PAX6: variants seen among roughly 807,000 people sequenced by gnomAD.
PAX6 encodes paired box 6.
Under a neutral mutation model 60.7 loss-of-function variants are expected in PAX6, and 7 were observed. The ratio of observed to expected loss-of-function variants is 0.12; its 90% CI spans 0.07 to 0.22. The LOEUF (loss-of-function observed/expected upper bound fraction) is 0.22, where lower values mean the gene tolerates loss of function less well. PAX6 is among the 10% of genes least tolerant of loss of function. The pLI is 1.00. For synonymous variants in PAX6, 208 were observed against 201.2 expected (o/e 1.03, Z -0.29); for missense variants, 355 against 555.2 (o/e 0.64, Z 3.62).
rs201983312 is a variant in PAX6, at chr11:31,800,786, T to C, written c.470A>G (p.Tyr157Cys). Residue 157 changes from tyrosine (Y) to cysteine (C), a missense_variant, in exon 8 of 14, where the codon TAT becomes TGT. Physicochemically the swap from Tyr to Cys is radical, Grantham distance 194. Around this residue, in one of 5 missense-constraint regions of PAX6, gnomAD observed 143 missense variants for 183.6 expected, o/e 0.78. Coordinates refer to ENST00000640368, the MANE Select transcript of PAX6 (RefSeq NM_001368894.2). ...CCCGTTCAACATCCTTAGTTTATCA[T>C]ACATGCCGTCTGCGCCCATCTGTTG... ...EKQQMGADGM[Y>C]DKLRMLNGQT... The C allele has an allele frequency of 1.2e-5, 19 of 1,614,240 alleles. No homozygotes were observed. Among genetic ancestry groups the C allele is most frequent in the Non-Finnish European group, 1.5e-5 (18 of 1,180,044 alleles).
rs887164027 is a variant in PAX6 at position 31,801,469 on chromosome 11, TAA to T, written c.399+90_399+91del. ...TGTGGAGCAGGGAGAGGACACAGACTAAGAGACAGTGGAGAGAGAGGGTGGGA... is the reference window on the plus strand; with the variant it reads ...TGTGGAGCAGGGAGAGGACACAGACTGAGACAGTGGAGAGAGAGGGTGGGA... On this transcript the variant is annotated intron_variant, in intron 7 of 13. Transcript: ENST00000640368. 236 of 1,601,840 alleles carry T rather than the reference TAA, an allele frequency of 1.5e-4. No homozygotes were observed. In the African/African-American group the frequency reaches 2.8e-3, roughly 19 times the overall value.
chr11:31,816,358 G>T (rs1294714752), intron 1 of PAX6: 2 of 562,774 alleles, frequency 3.6e-6, no homozygotes, highest in Non-Finnish European at 6.3e-6. Flanking sequence ...CTCCGATCAC[G>T]AAGGGCACGG....
At position 31,801,598 on chromosome 11, in the gene PAX6, A is replaced by T; in HGVS notation, c.362T>A (p.Leu121Gln). The T allele has an allele frequency of 6.2e-7, 1 of 1,614,168 alleles. No homozygotes were observed. The highest frequency in any genetic ancestry group is 8.5e-7 in the Non-Finnish European group (1 of 1,180,026). ...ATCGTTGGTACAGACCCCCTCGGACAGTAATCTGTCTCGGATTTCCCAAGC... is the reference window on the plus strand; with the variant it reads ...ATCGTTGGTACAGACCCCCTCGGACTGTAATCTGTCTCGGATTTCCCAAGC... ...IFAWEIRDRL[L>Q]SEGVCTNDNI... Residue 121 changes from leucine (L) to glutamine (Q), a missense_variant, in exon 7 of 14, where the codon CTG becomes CAG. Physicochemically the swap from Leu to Gln is moderately radical, Grantham distance 113. Transcript: ENST00000640368.
chr11:31,793,521 G>A lies in PAX6; in HGVS notation c.991C>T (p.Arg331Ter), dbSNP rs1057517785. 1 of 1,614,226 alleles carries A rather than the reference G, an allele frequency of 6.2e-7. No homozygotes were observed. Among genetic ancestry groups the A allele is most frequent in the Non-Finnish European group, 8.5e-7 (1 of 1,180,038 alleles). ...GTGTTTGTGAGGGCTGTGTCTGTTCGGCCCAACATGGAGCCAGATGTGAAG... is the reference window on the plus strand; with the variant it reads ...GTGTTTGTGAGGGCTGTGTCTGTTCAGCCCAACATGGAGCCAGATGTGAAG... ...SSFTSGSMLG[R>*]TDTALTNTYS... Residue 331 changes from arginine to a stop codon, truncating the protein, a stop_gained, in exon 12 of 14, where the codon CGA (arginine) becomes TGA (stop). Coordinates refer to ENST00000640368, the MANE Select transcript of PAX6 (RefSeq NM_001368894.2). LOFTEE classifies it high-confidence loss of function.
intron 2 of PAX6, chr11:31,807,820 G>C (rs955350216): frequency 2.6e-5 from 4 of 152,338 alleles, no homozygotes; most frequent in African/African-American, 7.2e-5. Flanking sequence ...AAAGGGAACA[G>C]AGGGACGCTT....
At position 31,801,784 on chromosome 11, in the gene PAX6, G is replaced by A. The variant is rs886048203; in HGVS notation, c.184-8C>T. The A allele has an allele frequency of 6.2e-7, 1 of 1,614,168 alleles. No homozygotes were observed. The highest frequency in any genetic ancestry group is 1.1e-5 in the South Asian group (1 of 91,084). ...CACACATCCGTTGGACACCTGCATA[G>A]GGGAAGTGGACAGAAAACCACATTA... is the stretch of plus-strand genomic sequence containing the variant. On this transcript the variant is annotated splice_region_variant and splice_polypyrimidine_tract_variant and intron_variant, in intron 6 of 13. Transcript: ENST00000640368.
intron 9 of PAX6, 81 bp from the exon 10 acceptor site, chr11:31,794,195 C>T: frequency 1.1e-6 from 1 of 895,428 alleles, no homozygotes; most frequent in Non-Finnish European, 1.9e-6. Flanking sequence ...AACTGGTTCC[C>T]ACCTCCCCAC....
intron 12 of PAX6, chr11:31,792,283 A>G (rs144415174): frequency 1.8e-4 from 27 of 152,346 alleles, no homozygotes; most frequent in African/African-American, 6.3e-4. Context: ...AGCAACACCA[A>G]CTAATGGGCT....
intron 8 of PAX6, among the ~76,000 whole-genome samples, chr11:31,795,503 TA>T (rs1951201585): frequency 6.6e-6 from 1 of 152,246 alleles, no homozygotes; most frequent in Non-Finnish European, 1.5e-5. Flanking sequence ...CCATTCTTTG[TA>T]ATGTGTTGCA....
chr11:31,817,631 C>T (rs1592678594), intron 1 of PAX6, among the ~76,000 whole-genome samples: 1 of 152,250 alleles, frequency 6.6e-6, no homozygotes, highest in African/African-American at 2.4e-5. Flanking sequence ...CCCTCCTCCA[C>T]CCCCCTTCCT....
intron 5 of PAX6, 146 bp downstream of exon 5, chr11:31,802,558 A>G: frequency 1.7e-6 from 1 of 604,396 alleles, no homozygotes; most frequent in Non-Finnish European, 2.5e-6. Context: ...GTGGGAAGGC[A>G]GGGGAGTGGG....
At chr11:31,808,658 T>C (rs571391086) in intron 2 of PAX6, 1 of 152,250 alleles carries the variant, frequency 6.6e-6, no homozygotes, top group East Asian at 1.9e-4. Context: ...TTAAATTCAG[T>C]AGCTGAGCAC....
At chr11:31,790,327 A>G in intron 13 of PAX6, 1 of 691,164 alleles carries the variant, frequency 1.4e-6, no homozygotes, top group Non-Finnish European at 2.1e-6. Flanking sequence ...CTGGAAAACC[A>G]ATGTGTCACT....
intron 4 of PAX6, chr11:31,803,486 G>C (rs1443324687): frequency 6.5e-6 from 1 of 153,562 alleles, no homozygotes; most frequent in East Asian, 1.9e-4. Context: ...CACAAGCATC[G>C]AGTTGGGTTT....
intron 7 of PAX6, 122 bp from the exon 8 acceptor site, chr11:31,800,978 C>G (rs1359946223): frequency 2.0e-6 from 2 of 1,020,240 alleles, no homozygotes; most frequent in Admixed American, 3.8e-5. Context: ...CCAGCCACCC[C>G]GGGACAGTGG....
chr11:31,791,301 G>T, intron 12 of PAX6: 1 of 304,752 alleles, frequency 3.3e-6, no homozygotes, highest in South Asian at 3.4e-5. Flanking sequence ...AGTGGGAGGA[G>T]CTCTCAGTAA....
chr11:31,799,414 G>T (rs1207769458), intron 8 of PAX6, among the ~76,000 whole-genome samples: 1 of 152,160 alleles, frequency 6.6e-6, no homozygotes, highest in Non-Finnish European at 1.5e-5. Context: ...GTCCTATATT[G>T]TTTTCTGCTC....
At chr11:31,793,180 G>A (rs1950419451) in intron 12 of PAX6, 4 of 651,884 alleles carry the variant, frequency 6.1e-6, no homozygotes, top group Non-Finnish European at 1.1e-5. Flanking sequence ...CATTATCAAG[G>A]TAACAGTATA....
intron 3 of PAX6, 133 bp from the exon 4 acceptor site, chr11:31,806,595 G>A (rs1331614953): frequency 7.1e-6 from 5 of 700,574 alleles, no homozygotes; most frequent in Non-Finnish European, 1.3e-5. Flanking sequence ...AACCTCTTGG[G>A]GCGATCTGAG....
Sources: allele counts gnomAD v4.1 joint callset (sites outside exome capture counted in the v4.1 genomes callset), GRCh38; gene constraint gnomAD v4.1.1; regional missense constraint gnomAD v4.1.1; transcripts MANE v1.5; gene names NCBI Gene and HGNC (gene_info 2026-07-23, HGNC 2026-07-21).